SLC39A11: variants seen among roughly 807,000 people sequenced by gnomAD.
SLC39A11 encodes the protein solute carrier family 39 member 11, also known as zinc transporter ZIP11.
SLC39A11 carries 33 observed loss-of-function variants against 36.1 expected under a neutral mutation model. The observed-to-expected ratio is 0.91, with a 90% CI of 0.69 to 1.22. The LOEUF (loss-of-function observed/expected upper bound fraction) is 1.22, where lower values mean the gene tolerates loss of function less well. SLC39A11 is among the 50% of genes most tolerant of loss of function. The pLI, the probability that SLC39A11 is intolerant of heterozygous loss-of-function variation, is 0.00. For synonymous variants in SLC39A11, 166 were observed against 170.3 expected (o/e 0.97, Z 0.20); for missense variants, 432 against 430.3 (o/e 1.00, Z -0.03).
chr17:72,776,199 TC>T (rs2076125762), intron 6 of SLC39A11, among the ~76,000 whole-genome samples: 1 of 152,188 alleles, frequency 6.6e-6, no homozygotes, highest in Admixed American at 6.5e-5. Context: ...ATGTTTAGAT[TC>T]TGCAGGGACT....
intron 6 of SLC39A11, chr17:72,821,799 T>C (rs889320009): frequency 1.3e-5 from 2 of 151,406 alleles, no homozygotes; most frequent in Non-Finnish European, 3.0e-5. Flanking sequence ...GGGCCCCTTC[T>C]CATGAGGCAA....
intron 7 of SLC39A11, among the ~76,000 whole-genome samples, chr17:72,678,534 G>A (rs1048475015): frequency 3.3e-5 from 5 of 152,090 alleles, no homozygotes; most frequent in Non-Finnish European, 5.9e-5. Flanking sequence ...GTGAAACTCC[G>A]TCTCTACTAA....
intron 6 of SLC39A11, among the ~76,000 whole-genome samples, chr17:72,842,845 C>A (rs375342025): frequency 1.8e-4 from 27 of 152,314 alleles, no homozygotes; most frequent in African/African-American, 6.3e-4. Context: ...CTTTTTACTG[C>A]GCCTGCCTGC....
intron 7 of SLC39A11, among the ~76,000 whole-genome samples, chr17:72,695,913 C>T (rs1403282572): frequency 1.3e-5 from 2 of 152,174 alleles, no homozygotes; most frequent in African/African-American, 4.8e-5. Context: ...CCTTGATTTC[C>T]AACTTCTGTC....
intron 6 of SLC39A11, among the ~76,000 whole-genome samples, chr17:72,752,405 C>T (rs1431944993): frequency 6.6e-6 from 1 of 152,010 alleles, no homozygotes; most frequent in Non-Finnish European, 1.5e-5. Flanking sequence ...CCACCACGCC[C>T]AGCTAACTTT....
chr17:72,841,591 T>C (rs10459890), intron 6 of SLC39A11, among the ~76,000 whole-genome samples: 59,684 of 151,854 alleles, frequency 0.39, 11,978 homozygotes, highest in East Asian at 0.66. Flanking sequence ...TGATGGTTAA[T>C]AGGTACAAAA....
chr17:72,979,267 C>T (rs2088109152), intron 4 of SLC39A11, among the ~76,000 whole-genome samples: 1 of 152,130 alleles, frequency 6.6e-6, no homozygotes, highest in Non-Finnish European at 1.5e-5. Flanking sequence ...CTGAGGGCTC[C>T]CCAGCCACGC....
chr17:72,995,858 C>A (rs79404336), intron 4 of SLC39A11, among the ~76,000 whole-genome samples: 2,727 of 152,296 alleles, frequency 0.018, 89 homozygotes, highest in African/African-American at 0.062. Flanking sequence ...AATCCTCCCC[C>A]CGCCCAATGA....
chr17:73,013,233 G>A (rs1195934926), intron 4 of SLC39A11, among the ~76,000 whole-genome samples: 1 of 151,968 alleles, frequency 6.6e-6, no homozygotes, highest in East Asian at 1.9e-4. Context: ...GACTACAGGC[G>A]TGCACCATCA....
chr17:72,846,206 T>A (rs957144658), intron 6 of SLC39A11, among the ~76,000 whole-genome samples: 3 of 152,046 alleles, frequency 2.0e-5, no homozygotes, highest in Non-Finnish European at 4.4e-5. Flanking sequence ...ATTTTTGTAT[T>A]TTTAGTAGAG....
chr17:72,988,866 G>A (rs899407707), intron 4 of SLC39A11, among the ~76,000 whole-genome samples: 6 of 152,078 alleles, frequency 3.9e-5, no homozygotes, highest in Non-Finnish European at 5.9e-5. Flanking sequence ...GAGCCACCAC[G>A]CCCAGCTAAT....
chr17:72,697,574 G>C (rs993725042), intron 7 of SLC39A11, among the ~76,000 whole-genome samples: 6 of 152,108 alleles, frequency 3.9e-5, no homozygotes, highest in African/African-American at 1.2e-4. Flanking sequence ...CAAAATCCAA[G>C]TGTTCCAAAC....
intron 6 of SLC39A11, among the ~76,000 whole-genome samples, chr17:72,843,151 T>C (rs541868899): frequency 6.6e-6 from 1 of 152,228 alleles, no homozygotes; most frequent in South Asian, 2.1e-4. Context: ...GGTGTCATCA[T>C]GTTGGCCAGG....
At chr17:72,717,755 G>A (rs749025882) in intron 7 of SLC39A11, among the ~76,000 whole-genome samples, 7 of 152,176 alleles carry the variant, frequency 4.6e-5, no homozygotes, top group Non-Finnish European at 7.3e-5. Context: ...CCTTTCTGGG[G>A]TGCATGACTT....
intron 6 of SLC39A11, among the ~76,000 whole-genome samples, chr17:72,824,747 T>C (rs1325933417): frequency 1.3e-5 from 2 of 151,204 alleles, no homozygotes; most frequent in Non-Finnish European, 3.0e-5. Flanking sequence ...ACTGCTGACA[T>C]TGGGCCCCTG....
intron 5 of SLC39A11, among the ~76,000 whole-genome samples, chr17:72,854,475 T>C (rs2079537910): frequency 6.6e-6 from 1 of 152,158 alleles, no homozygotes; most frequent in Admixed American, 6.5e-5. Context: ...TAATCATTCT[T>C]ACTTGCAGAC....
chr17:72,877,440 T>C (rs2080963717), intron 5 of SLC39A11, among the ~76,000 whole-genome samples: 1 of 152,232 alleles, frequency 6.6e-6, no homozygotes, highest in Admixed American at 6.5e-5. Flanking sequence ...CACAATTTTT[T>C]CATTCTGGCC....
At chr17:73,000,913 G>C (rs1242551112) in intron 4 of SLC39A11, among the ~76,000 whole-genome samples, 1 of 152,208 alleles carries the variant, frequency 6.6e-6, no homozygotes, top group Non-Finnish European at 1.5e-5. Context: ...GTTCCTTTCT[G>C]TCTGCTGACT....
chr17:72,669,864 G>A (rs1026376245), intron 7 of SLC39A11, among the ~76,000 whole-genome samples: 3 of 147,632 alleles, frequency 2.0e-5, no homozygotes, highest in African/African-American at 2.5e-5. Context: ...ACACACACAC[G>A]TATATATACA....
Sources: allele counts gnomAD v4.1 joint callset (sites outside exome capture counted in the v4.1 genomes callset), GRCh38; gene constraint gnomAD v4.1.1; transcripts MANE v1.5; gene names NCBI Gene and HGNC (gene_info 2026-07-23, HGNC 2026-07-21).